Variants in SLC6A2 observed in about 807,000 individuals in gnomAD.
The protein encoded by SLC6A2 is sodium-dependent noradrenaline transporter.
Under a neutral mutation model 71.7 loss-of-function variants are expected in SLC6A2, and 26 were observed. The observed-to-expected ratio is 0.36, with a 90% CI of 0.27 to 0.50. The LOEUF (loss-of-function observed/expected upper bound fraction) is 0.50. Ranked by LOEUF, SLC6A2 falls within the 20% of genes least tolerant of loss-of-function variation. The probability of loss-of-function intolerance (pLI) is 0.96; values close to 1 mark genes in which losing one functional copy is unlikely to be tolerated. For synonymous variants in SLC6A2, 363 were observed against 337.9 expected, an observed-to-expected ratio of 1.07 and a Z score of -0.82; for missense variants, 581 against 803.9, an observed-to-expected ratio of 0.72 and a Z score of 3.35.
At chr16:55,666,426 T>C (rs1243190175) in intron 2 of SLC6A2, among the ~76,000 whole-genome samples, 1 of 152,210 alleles carries the variant, frequency 6.6e-6, no homozygotes, top group African/African-American at 2.4e-5. Flanking sequence ...AGTTTACTTC[T>C]GCAAGAGGAG....
intron 3 of SLC6A2, among the ~76,000 whole-genome samples, chr16:55,671,279 T>A (rs1964902229): frequency 1.3e-5 from 2 of 152,154 alleles, no homozygotes; most frequent in African/African-American, 2.4e-5. Context: ...CACCTGTCAG[T>A]GTTATCCTGC....
chr16:55,656,277 C>A lies in SLC6A2; in HGVS notation c.-52+108C>A, dbSNP rs1233850535. On this transcript the variant is annotated intron_variant, in intron 1 of 14. Coordinates refer to ENST00000568943, the MANE Select transcript of SLC6A2 (RefSeq NM_001172501.3). This position sits in a 1 kb window ranked among gnomAD's most constrained non-coding sequence, Gnocchi z 4.5. ...TTGTAGTGCAGTGACGTTAAGTGTC[C>A]GAGAAGGCTCCTGTGGCTGTTGAAG... 9.4e-6 allele frequency: 3 copies of A among 318,332 alleles called. No individual in the cohort carries two copies. Among genetic ancestry groups the A allele is most frequent in the Non-Finnish European group, 1.2e-5 (2 of 165,916 alleles). The allele number at this position is 318,332 out of a possible 1,614,324, so 19.7% of individuals were successfully genotyped here. A position where few individuals can be genotyped will look rare whatever the true frequency, so the allele number is the denominator to read the frequency against.
chr16:55,696,404 A>G, intron 9 of SLC6A2, 67 bp downstream of exon 9: 1 of 932,130 alleles, frequency 1.1e-6, no homozygotes, highest in African/African-American at 1.6e-5. Context: ...CCCAACACAC[A>G]GTGCTGGGCC....
rs769909456 is a variant in SLC6A2 at position 55,695,353 on chromosome 16, T to C, written c.1098T>C (p.Gly366=). 6.2e-7 allele frequency: 1 copy of C among 1,614,096 alleles called. No individual in the cohort carries two copies. Among genetic ancestry groups the C allele is most frequent in the East Asian group, 2.2e-5 (1 of 44,884 alleles). Reference sequence around the variant, plus strand: ...GGTTCGCCATCTTCTCCATCCTTGGTTACATGGCCCATGAACACAAGGTCA... The same window carrying C: ...GGTTCGCCATCTTCTCCATCCTTGGCTACATGGCCCATGAACACAAGGTCA... ...VSGFAIFSIL[G]YMAHEHKVNI... is the part of the protein sequence containing the mutation. The change falls in exon 8 of 15, where the codon GGT becomes GGC. Residue 366 remains glycine (G), a synonymous_variant. Coordinates refer to ENST00000568943, the MANE Select transcript of SLC6A2 (RefSeq NM_001172501.3).
intron 5 of SLC6A2, among the ~76,000 whole-genome samples, chr16:55,687,971 G>A (rs749823141): frequency 6.6e-6 from 1 of 152,074 alleles, no homozygotes; most frequent in African/African-American, 2.4e-5. Context: ...AATGAGAGAG[G>A]AATATGAGTC....
At chr16:55,691,237 GAGAGAGAGAGA>G (rs1373042881) in intron 5 of SLC6A2, among the ~76,000 whole-genome samples, 2 of 5,662 alleles carry the variant, frequency 3.5e-4, no homozygotes, top group Non-Finnish European at 1.4e-3. Flanking sequence ...GGGGGAGAGA[GAGAGAGAGAGA>G]GAGAGAGAGA....
intron 4 of SLC6A2, among the ~76,000 whole-genome samples, chr16:55,674,542 A>G (rs1299226483): frequency 6.6e-6 from 1 of 151,602 alleles, no homozygotes; most frequent in African/African-American, 2.4e-5. Flanking sequence ...CTCCTGCCTC[A>G]GCCTCCTGAG....
intron 4 of SLC6A2, among the ~76,000 whole-genome samples, chr16:55,673,304 T>C (rs1964980694): frequency 6.6e-6 from 1 of 152,238 alleles, no homozygotes; most frequent in Non-Finnish European, 1.5e-5. Flanking sequence ...TGTCAATATC[T>C]TGTTACTTGT....
intron 4 of SLC6A2, among the ~76,000 whole-genome samples, chr16:55,683,448 C>T (rs1965343224): frequency 6.6e-6 from 1 of 152,072 alleles, no homozygotes; most frequent in African/African-American, 2.4e-5. Context: ...ACTATCTCTA[C>T]TAAAAATACA....
At chr16:55,663,106 C>T (rs1964654670) in intron 2 of SLC6A2, among the ~76,000 whole-genome samples, 1 of 152,170 alleles carries the variant, frequency 6.6e-6, no homozygotes, top group Non-Finnish European at 1.5e-5. Flanking sequence ...TCAGGGTTCC[C>T]CCCACCCCTT....
At chr16:55,684,014 T>G (rs997878929) in intron 4 of SLC6A2, among the ~76,000 whole-genome samples, 1 of 152,090 alleles carries the variant, frequency 6.6e-6, no homozygotes, top group Non-Finnish European at 1.5e-5. Flanking sequence ...ATACTCCACT[T>G]AGGCCAGGTG....
chr16:55,703,041 G>A lies in SLC6A2; in HGVS notation c.*695G>A. 6.1e-6 allele frequency: 6 copies of A among 986,910 alleles called. No homozygotes were observed. Among genetic ancestry groups the A allele is most frequent in the Non-Finnish European group, 7.2e-6 (6 of 831,026 alleles). 61.1% of individuals were successfully genotyped at this position (986,910 alleles called of 1,614,324 possible). On this transcript the variant is annotated 3_prime_UTR_variant, in exon 15 of 15. Transcript: ENST00000568943. The stretch of plus-strand genomic sequence containing the variant: ...GCTTTTGGTGGTCAGATGGCCCAGA[G>A]ATATGGGGGACAGGAGGAAGAGGGT...
In SLC6A2 at chr16:55,703,363, G is replaced by A. The variant is rs886052141; in HGVS notation, c.*1017G>A. The stretch of plus-strand genomic sequence containing the variant: ...TTGCACACCTGCACAGCCTCCCTCT[G>A]GGGATCCCACCTGGAGTGGACCAGG... On this transcript the variant is annotated 3_prime_UTR_variant, in exon 15 of 15. Coordinates refer to ENST00000568943, the MANE Select transcript of SLC6A2 (RefSeq NM_001172501.3). 1.0e-6 allele frequency: 1 copy of A among 985,446 alleles called. No individual in the cohort carries two copies. Among genetic ancestry groups the A allele is most frequent in the Non-Finnish European group, 1.2e-6 (1 of 829,940 alleles). The allele number at this position is 985,446 out of a possible 1,614,324, so 61.0% of individuals were successfully genotyped here.
Position 55,671,953 on chromosome 16 carries a change from T to C in SLC6A2, c.422T>C (p.Val141Ala). The change falls in exon 4 of 15, where the codon GTC becomes GCC. Residue 141 changes from valine (V) to alanine (A), a missense_variant. Transcript: ENST00000568943. ...CCCTGCCCAGGCGTTGGCTATGCTGTCATCCTGATCGCCCTGTACGTTGGC... is the reference window on the plus strand; with the variant it reads ...CCCTGCCCAGGCGTTGGCTATGCTGCCATCCTGATCGCCCTGTACGTTGGC... ...CPFFKGVGYA[V>A]ILIALYVGFY... 1 of 1,614,134 alleles carries C rather than the reference T, an allele frequency of 6.2e-7. No individual in the cohort carries two copies. The highest frequency in any genetic ancestry group is 8.5e-7 in the Non-Finnish European group (1 of 1,180,018).
rs1476643926 is a variant in SLC6A2, at chr16:55,671,922, C to G, written c.407-16C>G. On this transcript the variant is annotated splice_polypyrimidine_tract_variant and intron_variant, in intron 3 of 14. Transcript: ENST00000568943. ...GGGCCTGGGAGACTCCTACCTTACC[C>G]CCTGTCCCTGCCCAGGCGTTGGCTA... 3 of 1,613,904 alleles carry G rather than the reference C, an allele frequency of 1.9e-6. No homozygotes were observed. The East Asian group carries it at 6.7e-5, about 36-fold the overall frequency.
At chr16:55,682,927 CG>C (rs1482995871) in intron 4 of SLC6A2, among the ~76,000 whole-genome samples, 2 of 152,162 alleles carry the variant, frequency 1.3e-5, no homozygotes, top group Non-Finnish European at 2.9e-5. Context: ...TCCCATGCTA[CG>C]ATACAAGCCC....
intron 14 of SLC6A2, 76 bp downstream of exon 14, chr16:55,702,010 G>A: frequency 8.8e-7 from 1 of 1,133,904 alleles, no homozygotes; most frequent in Non-Finnish European, 1.3e-6. Context: ...CACTGCCCAA[G>A]GCTAGACATC....
At chr16:55,700,046 C>T in intron 12 of SLC6A2, 93 bp from the exon 13 acceptor site, 2 of 1,065,696 alleles carry the variant, frequency 1.9e-6, no homozygotes, top group East Asian at 4.9e-5. Flanking sequence ...CTCTTCATTT[C>T]TCTCCCACCT....
rs1235517954 is a variant in SLC6A2, at chr16:55,704,999, T to C, written c.*2653T>C. 17 of 480,132 alleles carry C rather than the reference T, an allele frequency of 3.5e-5. No homozygotes were observed. In the Admixed American group the frequency reaches 5.6e-4, roughly 16 times the overall value. The allele number at this position is 480,132 out of a possible 1,614,324, so 29.7% of individuals were successfully genotyped here. ...AGAGTATGGGCTTTATGTTAAGTCA[T>C]CTTTGACTTCCTTTTTGTAGCTTGT... On this transcript the variant is annotated 3_prime_UTR_variant, in exon 15 of 15. Coordinates refer to ENST00000568943, the MANE Select transcript of SLC6A2 (RefSeq NM_001172501.3).
Sources: allele counts gnomAD v4.1 joint callset (sites outside exome capture counted in the v4.1 genomes callset), GRCh38; gene constraint gnomAD v4.1.1; non-coding constraint Gnocchi (gnomAD v3.1); transcripts MANE v1.5; gene names NCBI Gene and HGNC (gene_info 2026-07-23, HGNC 2026-07-21).